The following C1orf21 variants were observed in gnomAD, a reference collection of about 807,000 sequenced individuals.
The protein encoded by C1orf21 is uncharacterized protein C1orf21.
Under a neutral mutation model 18.7 loss-of-function variants are expected in C1orf21, and 3 were observed. The observed-to-expected ratio is 0.16, with a 90% CI of 0.07 to 0.42. The LOEUF (loss-of-function observed/expected upper bound fraction) is 0.42. Among genes scored for constraint, C1orf21 ranks in the 10% least tolerant of loss-of-function variants. The pLI, the probability that C1orf21 is intolerant of heterozygous loss-of-function variation, is 0.99. For synonymous variants in C1orf21, 41 were observed against 46.4 expected (o/e 0.88, Z 0.47); for missense variants, 104 against 143.6 (o/e 0.72, Z 1.41).
chr1:184,394,723 G>T (rs745962779), intron 1 of C1orf21, among the ~76,000 whole-genome samples: 8 of 152,136 alleles, frequency 5.3e-5, no homozygotes, highest in Admixed American at 3.3e-4. Flanking sequence ...TCAAAGTTCT[G>T]CCAAAAGCAG....
rs193237788 is a variant in C1orf21, at chr1:184,568,141, C to T, written c.190-22598C>T. Among the ~76,000 whole-genome samples the T allele has an allele frequency of 1.1e-4, 16 of 152,318 alleles. No individual in the cohort carries two copies. In the East Asian group the frequency reaches 3.1e-3, roughly 29 times the overall value. On this transcript the variant is annotated intron_variant, in intron 3 of 5. Transcript: ENST00000235307. ...AAGTGATACCCTTGAGGCTAGAGCCCAGGCATTCTCCTATCTGCTAGCATT... is the reference window on the plus strand; with the variant it reads ...AAGTGATACCCTTGAGGCTAGAGCCTAGGCATTCTCCTATCTGCTAGCATT...
At chr1:184,404,587 A>G (rs928044721) in intron 1 of C1orf21, among the ~76,000 whole-genome samples, 2 of 152,072 alleles carry the variant, frequency 1.3e-5, no homozygotes, top group Admixed American at 6.5e-5. Context: ...TGGTGTAATC[A>G]CCTCTTTAAA....
At chr1:184,511,628 G>C (rs566609045) in intron 3 of C1orf21, among the ~76,000 whole-genome samples, 2 of 152,188 alleles carry the variant, frequency 1.3e-5, no homozygotes, top group Non-Finnish European at 2.9e-5. Context: ...TCAAGTTGAT[G>C]GCTGAATGCT....
chr1:184,520,569 G>A (rs565659972), intron 3 of C1orf21, among the ~76,000 whole-genome samples: 34 of 152,268 alleles, frequency 2.2e-4, no homozygotes, highest in Admixed American at 1.1e-3. Flanking sequence ...GATTCACAGC[G>A]ATGCCTTACT....
At chr1:184,611,246 G>A (rs914268751) in intron 5 of C1orf21, among the ~76,000 whole-genome samples, 2 of 152,190 alleles carry the variant, frequency 1.3e-5, no homozygotes, top group African/African-American at 2.4e-5. Context: ...CTTTTCTTCA[G>A]TATGTCTTTG....
chr1:184,540,616 G>T (rs1003144297), intron 3 of C1orf21, among the ~76,000 whole-genome samples: 2 of 151,902 alleles, frequency 1.3e-5, no homozygotes. Context: ...TTTTTAGTAG[G>T]GACAGGGTTT....
intron 2 of C1orf21, among the ~76,000 whole-genome samples, chr1:184,493,464 TCA>T (rs1294202813): frequency 6.6e-6 from 1 of 152,192 alleles, no homozygotes; most frequent in Non-Finnish European, 1.5e-5. Flanking sequence ...TGCAAAACAG[TCA>T]CACGAGTACA....
chr1:184,494,469 T>TA (rs745998572), intron 2 of C1orf21, among the ~76,000 whole-genome samples: 16 of 152,256 alleles, frequency 1.1e-4, no homozygotes, highest in Non-Finnish European at 5.9e-5. Context: ...GTTGACCAGT[T>TA]AGAGTCTTGC....
chr1:184,424,924 A>T (rs1367031976), intron 1 of C1orf21, among the ~76,000 whole-genome samples: 1 of 152,244 alleles, frequency 6.6e-6, no homozygotes, highest in African/African-American at 2.4e-5. Context: ...TCTGGTTATC[A>T]GAACACCTAG....
chr1:184,405,189 T>C (rs1267003013), intron 1 of C1orf21, among the ~76,000 whole-genome samples: 1 of 152,196 alleles, frequency 6.6e-6, no homozygotes, highest in East Asian at 1.9e-4. Context: ...GACCCAGTGC[T>C]AATAATTCTT....
chr1:184,557,766 C>T (rs1224537730), intron 3 of C1orf21, among the ~76,000 whole-genome samples: 8 of 152,166 alleles, frequency 5.3e-5, no homozygotes, highest in Admixed American at 2.6e-4. Context: ...CTTAGATTGA[C>T]TTTGATGACC....
chr1:184,418,991 T>C (rs368950130), intron 1 of C1orf21, among the ~76,000 whole-genome samples: 2 of 152,340 alleles, frequency 1.3e-5, no homozygotes, highest in South Asian at 2.1e-4. Flanking sequence ...GGCCATGTTT[T>C]CTTTACATGA....
chr1:184,547,827 GA>G (rs1658748186), intron 3 of C1orf21, among the ~76,000 whole-genome samples: 1 of 152,108 alleles, frequency 6.6e-6, no homozygotes. Flanking sequence ...TATCAGACAA[GA>G]ATCTCAGTAA....
chr1:184,456,348 C>T (rs1273742401), intron 1 of C1orf21, among the ~76,000 whole-genome samples: 1 of 152,094 alleles, frequency 6.6e-6, no homozygotes, highest in Non-Finnish European at 1.5e-5. Flanking sequence ...TATACTGAAA[C>T]CCGATTCTTC....
chr1:184,622,251 G>A lies in C1orf21; in HGVS notation c.*2695G>A, dbSNP rs1309043225. The A allele has an allele frequency of 6.6e-6, 1 of 152,290 alleles. No homozygotes were observed. Among genetic ancestry groups the A allele is most frequent in the Non-Finnish European group, 1.5e-5 (1 of 68,088 alleles). The allele number at this position is 152,290 out of a possible 1,614,324, so 9.4% of individuals were successfully genotyped here. A position where few individuals can be genotyped will look rare whatever the true frequency, so the allele number is the denominator to read the frequency against. On this transcript the variant is annotated 3_prime_UTR_variant, in exon 6 of 6. Transcript: ENST00000235307. Reference sequence around the variant, plus strand: ...GAGGGTAAGTGGCCTGGTGAGTGGAGGTAGAAAAATGATGAGAAATGAACT... The same window carrying A: ...GAGGGTAAGTGGCCTGGTGAGTGGAAGTAGAAAAATGATGAGAAATGAACT...
At chr1:184,521,308 A>C (rs1370114761) in intron 3 of C1orf21, among the ~76,000 whole-genome samples, 1 of 152,162 alleles carries the variant, frequency 6.6e-6, no homozygotes, top group Non-Finnish European at 1.5e-5. Flanking sequence ...GAAAAACTGT[A>C]ACCATACAAA....
At chr1:184,481,114 C>G (rs1287201165) in intron 2 of C1orf21, among the ~76,000 whole-genome samples, 1 of 151,628 alleles carries the variant, frequency 6.6e-6, no homozygotes, top group Non-Finnish European at 1.5e-5. Flanking sequence ...TTCTGAAGAG[C>G]TAGGTAGGAA....
chr1:184,603,677 C>A (rs1190422793), intron 5 of C1orf21, among the ~76,000 whole-genome samples: 1 of 152,304 alleles, frequency 6.6e-6, no homozygotes, highest in South Asian at 2.1e-4. Context: ...CGCCTATAAT[C>A]CCAGCTACTC....
At chr1:184,546,817 G>A (rs1051510183) in intron 3 of C1orf21, among the ~76,000 whole-genome samples, 1 of 152,162 alleles carries the variant, frequency 6.6e-6, no homozygotes, top group African/African-American at 2.4e-5. Flanking sequence ...TCACATAAAG[G>A]ACTGGAAAAA....
Sources: gnomAD v4.1 joint callset for allele counts (sites outside exome capture counted in the v4.1 genomes callset) on GRCh38, gnomAD v4.1.1 for gene constraint, MANE v1.5 for transcripts, NCBI Gene and HGNC (gene_info 2026-07-23, HGNC 2026-07-21) for gene names.